MAML2: variants seen among roughly 807,000 people sequenced by gnomAD.
The protein encoded by MAML2 is mastermind like transcriptional coactivator 2, also known as mastermind-like protein 2.
MAML2 carries 22 observed loss-of-function variants against 96.1 expected under a neutral mutation model. That is an observed-to-expected ratio of 0.23 (90% CI 0.16 to 0.33). The LOEUF is 0.33. MAML2 is among the 10% of genes least tolerant of loss of function. The pLI, the probability that MAML2 is intolerant of heterozygous loss-of-function variation, is 1.00. For synonymous variants in MAML2, 561 were observed against 521.3 expected (o/e 1.08, Z -1.04); for missense variants, 1,367 against 1,392.4 (o/e 0.98, Z 0.29).
Position 96,046,706 on chromosome 11 carries a change from C to T in MAML2, c.2139+45186G>A, listed in dbSNP as rs2135762034. ...TCCTTCCTTTCCTTCTCTTTCCACC[C>T]TCTCTCCTTCTCTCTCTCCCTTCCT... On this transcript the variant is annotated intron_variant, in intron 2 of 4. Transcript: ENST00000524717. 1.3e-5 allele frequency among the ~76,000 whole-genome samples: 2 copies of T among 152,306 alleles called. 1 individual carries two copies. The highest frequency in any genetic ancestry group is 6.8e-3 in the Middle Eastern group (2 of 294).
intron 2 of MAML2, among the ~76,000 whole-genome samples, chr11:96,032,417 A>G (rs1321957396): frequency 1.3e-5 from 2 of 151,974 alleles, no homozygotes; most frequent in Admixed American, 1.3e-4. Flanking sequence ...GGTGAAACCC[A>G]TCTCTACAAA....
chr11:96,073,027 A>T lies in MAML2; in HGVS notation c.2139+18865T>A, dbSNP rs868048630. ...ATATTTATATTTCCAATCTGTGAGG[A>T]CTTAAAAAAACTATTATGGAAACCA... On this transcript the variant is annotated intron_variant, in intron 2 of 4. Transcript: ENST00000524717. Among the ~76,000 whole-genome samples, 10 of 152,220 alleles carry T rather than the reference A, an allele frequency of 6.6e-5. No homozygotes were observed. In the South Asian group the frequency reaches 2.1e-3, roughly 32 times the overall value.
chr11:96,330,120 G>A (rs1863833699), intron 1 of MAML2, among the ~76,000 whole-genome samples: 1 of 152,180 alleles, frequency 6.6e-6, no homozygotes, highest in Admixed American at 6.5e-5. Flanking sequence ...TTGGTAGTTA[G>A]AAGGAATGAC....
intron 1 of MAML2, among the ~76,000 whole-genome samples, chr11:96,303,297 G>T (rs1863415203): frequency 6.6e-6 from 1 of 152,234 alleles, no homozygotes; most frequent in East Asian, 1.9e-4. Flanking sequence ...TAACTTTATG[G>T]AAGTATAATT....
At chr11:96,116,318 C>A (rs1304548188) in intron 1 of MAML2, among the ~76,000 whole-genome samples, 1 of 152,158 alleles carries the variant, frequency 6.6e-6, no homozygotes, top group African/African-American at 2.4e-5. Flanking sequence ...GTACTCTATG[C>A]TTCTCTCTCT....
intron 4 of MAML2, 100 bp from the exon 5 acceptor site, chr11:95,980,063 G>T: frequency 2.2e-6 from 2 of 895,602 alleles, no homozygotes; most frequent in Non-Finnish European, 1.7e-6. Context: ...GCTTTCAGGT[G>T]TAAGACAATT....
chr11:96,080,769 G>A (rs907843988), intron 2 of MAML2, among the ~76,000 whole-genome samples: 8 of 152,274 alleles, frequency 5.3e-5, no homozygotes, highest in Middle Eastern at 3.4e-3. Flanking sequence ...AATGAGTTTC[G>A]TCTGGGAAGT....
rs930520386 is a variant in MAML2, at chr11:96,070,465, C to T, written c.2139+21427G>A. Among the ~76,000 whole-genome samples the T allele has an allele frequency of 5.8e-4, 88 of 152,216 alleles. 1 individual carries two copies. The highest frequency in any genetic ancestry group is 2.5e-4 in the Non-Finnish European group (17 of 68,028). ...CTGGGACTCCCTCTTTGGGGTCCTG[C>T]GGTGCCTGTCATCTCCAAGCTTCTG... On this transcript the variant is annotated intron_variant, in intron 2 of 4. Coordinates refer to ENST00000524717, the MANE Select transcript of MAML2 (RefSeq NM_032427.4).
intron 1 of MAML2, among the ~76,000 whole-genome samples, chr11:96,282,658 T>C (rs1863088676): frequency 6.6e-6 from 1 of 152,218 alleles, no homozygotes; most frequent in African/African-American, 2.4e-5. Context: ...TCAAATTAGA[T>C]AGAAAATTCT....
chr11:95,996,767 T>C (rs1415744936), intron 2 of MAML2, among the ~76,000 whole-genome samples: 1 of 152,172 alleles, frequency 6.6e-6, no homozygotes, highest in African/African-American at 2.4e-5. Context: ...GTACATAAAA[T>C]AGTTTGAAAG....
At chr11:96,178,550 G>A (rs564594877) in intron 1 of MAML2, among the ~76,000 whole-genome samples, 2 of 152,264 alleles carry the variant, frequency 1.3e-5, no homozygotes, top group East Asian at 3.9e-4. Context: ...GGAAATGGCT[G>A]CAGGAGTGAT....
chr11:96,087,884 G>A (rs958154302), intron 2 of MAML2, among the ~76,000 whole-genome samples: 4 of 152,272 alleles, frequency 2.6e-5, no homozygotes, highest in East Asian at 3.9e-4. Flanking sequence ...TGGAAAAGGC[G>A]TTTCCAGCTG....
chr11:95,979,819 A>G lies in MAML2; in HGVS notation c.2600T>C (p.Met867Thr), dbSNP rs376166218. The G allele has an allele frequency of 1.9e-6, 3 of 1,613,926 alleles. No individual in the cohort carries two copies. Among genetic ancestry groups the G allele is most frequent in the Non-Finnish European group, 2.5e-6 (3 of 1,179,858 alleles). The change falls in exon 5 of 5, where the codon ATG becomes ACG. Residue 867 changes from methionine to threonine, a missense_variant. By Grantham distance (81) the Met-to-Thr change is moderately conservative. Coordinates refer to ENST00000524717, the MANE Select transcript of MAML2 (RefSeq NM_032427.4). ...ACAAGGCAGATTTCCATACATCCCC[A>G]TATTCTGAACTGCTGTAGATAATGA... is the stretch of plus-strand genomic sequence containing the variant. ...MPSLSTAVQN[M>T]GMYGNLPCNQ... is the part of the protein sequence containing the mutation.
chr11:96,320,996 G>T (rs1863692540), intron 1 of MAML2, among the ~76,000 whole-genome samples: 1 of 152,150 alleles, frequency 6.6e-6, no homozygotes, highest in Non-Finnish European at 1.5e-5. Flanking sequence ...CATTTTACCT[G>T]AGGGGTAAAA....
At position 96,341,764 on chromosome 11, in the gene MAML2, G is replaced by A; in HGVS notation, c.132C>T (p.Ile44=). The A allele has an allele frequency of 1.2e-6, 2 of 1,612,500 alleles. No individual in the cohort carries two copies. The highest frequency in any genetic ancestry group is 1.7e-6 in the Non-Finnish European group (2 of 1,179,658). Residue 44 remains isoleucine (I), a synonymous_variant, in exon 1 of 5, where the codon ATC becomes ATT. Transcript: ENST00000524717. ...SAIVERLRAR[I]AVCRQHHLSC... Reference sequence around the variant, plus strand: ...TCAGGTGGTGTTGGCGGCAGACAGCGATCCGAGCCCGGAGGCGCTCCACGA... The same window carrying A: ...TCAGGTGGTGTTGGCGGCAGACAGCAATCCGAGCCCGGAGGCGCTCCACGA...
intron 1 of MAML2, among the ~76,000 whole-genome samples, chr11:96,124,695 G>A (rs2135849580): frequency 6.6e-6 from 1 of 152,254 alleles, no homozygotes; most frequent in East Asian, 1.9e-4. Context: ...GTGTGTGCGT[G>A]TGTGTGAGAC....
At chr11:96,037,688 G>A (rs1250618093) in intron 2 of MAML2, among the ~76,000 whole-genome samples, 1 of 152,166 alleles carries the variant, frequency 6.6e-6, no homozygotes, top group Non-Finnish European at 1.5e-5. Context: ...ACCAGCAATT[G>A]GCTGGATCTT....
At chr11:96,225,823 A>G (rs989712176) in intron 1 of MAML2, among the ~76,000 whole-genome samples, 142 of 147,938 alleles carry the variant, frequency 9.6e-4, no homozygotes, top group African/African-American at 3.0e-3. Context: ...ACAGAGCGAG[A>G]CACTATCTCA....
At chr11:96,171,836 T>G (rs941401471) in intron 1 of MAML2, among the ~76,000 whole-genome samples, 1 of 152,238 alleles carries the variant, frequency 6.6e-6, no homozygotes, top group Non-Finnish European at 1.5e-5. Context: ...GAGGCGTCTG[T>G]GGAAGGCCCT....
Sources: allele counts gnomAD v4.1 joint callset (sites outside exome capture counted in the v4.1 genomes callset), GRCh38; gene constraint gnomAD v4.1.1; transcripts MANE v1.5; gene names NCBI Gene and HGNC (gene_info 2026-07-23, HGNC 2026-07-21).